The following SLC18B1 variants were observed in gnomAD, a reference collection of about 807,000 sequenced individuals.
The protein encoded by SLC18B1 is solute carrier family 18 member B1, also known as MFS-type transporter SLC18B1.
SLC18B1 carries 62 observed loss-of-function variants against 53.9 expected under a neutral mutation model. That is an observed-to-expected ratio of 1.15 (90% CI 0.94 to 1.42). The LOEUF (loss-of-function observed/expected upper bound fraction) is 1.42. Among genes scored for constraint, SLC18B1 ranks in the 40% most tolerant of loss-of-function variants. SLC18B1 has a pLI of 0.00. For missense variants in SLC18B1, 598 were observed against 547.3 expected (o/e 1.09, Z -0.93); for synonymous variants, 217 against 200.9 (o/e 1.08, Z -0.68).
At chr6:132,792,270 A>AGAAG in intron 2 of SLC18B1, among the ~76,000 whole-genome samples, 1 of 52,910 alleles carries the variant, frequency 1.9e-5, no homozygotes, top group Admixed American at 1.7e-4. Flanking sequence ...AAAGAAAGAA[A>AGAAG]GAAAGAAAGA....
chr6:132,771,565 G>A (rs1456350110), intron 11 of SLC18B1, among the ~76,000 whole-genome samples: 1 of 152,046 alleles, frequency 6.6e-6, no homozygotes, highest in Non-Finnish European at 1.5e-5. Flanking sequence ...TCTATTAAAG[G>A]AACTTATAAA....
Position 132,784,044 on chromosome 6 carries a change from G to A in SLC18B1, c.547C>T (p.Pro183Ser). ...FSGLGLILGP[P>S]VGGFLYQSFG... The stretch of plus-strand genomic sequence containing the variant: ...GATTGATACAAAAAGCCACCTACAG[G>A]AGGACCTAGTATTAGCCCCAGTCCA... Residue 183 changes from proline (P) to serine (S), a missense_variant, in exon 6 of 14, where the codon CCT becomes TCT. By Grantham distance (74) the Pro-to-Ser change is moderately conservative (BLOSUM62 -1). Transcript: ENST00000275227. 1 of 1,608,630 alleles carries A rather than the reference G, an allele frequency of 6.2e-7. No individual in the cohort carries two copies.
intron 5 of SLC18B1, among the ~76,000 whole-genome samples, chr6:132,785,703 T>TTACCATTATCATA (rs1781351411): frequency 6.6e-6 from 1 of 151,748 alleles, no homozygotes; most frequent in Non-Finnish European, 1.5e-5. Context: ...ATTTATTAAG[T>TTACCATTATCATA]GGCACTTTCC....
intron 2 of SLC18B1, among the ~76,000 whole-genome samples, chr6:132,792,280 AAAGGAAGAAAGGAAGG>A (rs1781554538): frequency 2.3e-4 from 10 of 42,674 alleles, no homozygotes; most frequent in African/African-American, 5.1e-4. Context: ...AGAAAGAAAG[AAAGGAAGAAAGGAAGG>A]AAGGAAGGAA....
At chr6:132,787,687 T>C in intron 4 of SLC18B1, 106 bp from the exon 5 acceptor site, 1 of 966,152 alleles carries the variant, frequency 1.0e-6, no homozygotes, top group Non-Finnish European at 1.4e-6. Context: ...TCATGGTTTT[T>C]AGAATAAACC....
rs1002115091 is a variant in SLC18B1 at position 132,770,945 on chromosome 6, A to G, written c.1255-6T>C. Reference sequence around the variant, plus strand: ...AACAAGCCCATGGCTAATCCCTTAAACACAATTAAAAGTACTGATTAATGT... The same window carrying G: ...AACAAGCCCATGGCTAATCCCTTAAGCACAATTAAAAGTACTGATTAATGT... On this transcript the variant is annotated splice_polypyrimidine_tract_variant and splice_region_variant and intron_variant, in intron 12 of 13. Transcript: ENST00000275227. The G allele has an allele frequency of 2.5e-6, 4 of 1,612,660 alleles. No individual in the cohort carries two copies. In the Admixed American group the frequency reaches 5.0e-5, roughly 20 times the overall value.
chr6:132,792,271 GAAAGA>G, intron 2 of SLC18B1, among the ~76,000 whole-genome samples: 2 of 48,956 alleles, frequency 4.1e-5, no homozygotes, highest in Non-Finnish European at 7.4e-5. Context: ...AAGAAAGAAA[GAAAGA>G]AAGAAAGGAA....
At chr6:132,776,008 G>T (rs951119632) in intron 8 of SLC18B1, among the ~76,000 whole-genome samples, 1 of 152,210 alleles carries the variant, frequency 6.6e-6, no homozygotes, top group African/African-American at 2.4e-5. Context: ...ATTCAAGGCT[G>T]CAGTGAGCTA....
In SLC18B1 at chr6:132,785,897, C is replaced by CAAAAAAAAAA. The variant is rs71545048; in HGVS notation, c.501+1527_501+1536dup. Among the ~76,000 whole-genome samples the CAAAAAAAAAA allele has an allele frequency of 3.4e-3, 279 of 81,092 alleles. 5 individuals are homozygous for CAAAAAAAAAA. Among genetic ancestry groups the CAAAAAAAAAA allele is most frequent in the African/African-American group, 0.01 (229 of 22,646 alleles). 53.2% of individuals were successfully genotyped at this position (81,092 alleles called of 152,430 possible). ...GCAACTCAGCAAGACCCTGTCTCTA[C>CAAAAAAAAAA]AAAAAAAAAAAAAAAAAAAGAAAGA... On this transcript the variant is annotated intron_variant, in intron 5 of 13. Coordinates refer to ENST00000275227, the MANE Select transcript of SLC18B1 (RefSeq NM_052831.3).
chr6:132,784,408 G>GA (rs1200759233), intron 5 of SLC18B1, among the ~76,000 whole-genome samples: 5 of 151,790 alleles, frequency 3.3e-5, no homozygotes, highest in Non-Finnish European at 7.4e-5. Flanking sequence ...GAAGAACAGA[G>GA]AAAAAAATGA....
chr6:132,796,579 G>C (rs918235355), intron 2 of SLC18B1, among the ~76,000 whole-genome samples: 4 of 145,678 alleles, frequency 2.7e-5, no homozygotes, highest in African/African-American at 1.0e-4. Flanking sequence ...GAATCAAAAC[G>C]TCCTAATTCT....
At chr6:132,792,378 GAA>G (rs1276160811) in intron 2 of SLC18B1, among the ~76,000 whole-genome samples, 1 of 134,876 alleles carries the variant, frequency 7.4e-6, no homozygotes, top group Non-Finnish European at 1.6e-5. Context: ...AAGAAGGAAA[GAA>G]AGAGAAAGAA....
chr6:132,779,223 T>C, intron 7 of SLC18B1, 45 bp downstream of exon 7: 1 of 1,600,322 alleles, frequency 6.2e-7, no homozygotes, highest in South Asian at 1.1e-5. Flanking sequence ...AGCAGTTACA[T>C]CCACCTGCTA....
chr6:132,789,647 T>C, intron 4 of SLC18B1, 117 bp downstream of exon 4: 1 of 736,578 alleles, frequency 1.4e-6, no homozygotes, highest in Non-Finnish European at 2.4e-6. Flanking sequence ...AGTCACATGC[T>C]ATGCATTTGA....
At chr6:132,796,392 G>A (rs1750402735) in intron 2 of SLC18B1, among the ~76,000 whole-genome samples, 1 of 148,672 alleles carries the variant, frequency 6.7e-6, no homozygotes, top group South Asian at 2.1e-4. Context: ...CGGACGTGGT[G>A]GTAGGCGCCT....
At chr6:132,777,966 C>G (rs1398964039) in intron 7 of SLC18B1, among the ~76,000 whole-genome samples, 1 of 152,138 alleles carries the variant, frequency 6.6e-6, no homozygotes, top group African/African-American at 2.4e-5. Flanking sequence ...TTTTTAATTA[C>G]CTGGGTGCAG....
intron 2 of SLC18B1, among the ~76,000 whole-genome samples, chr6:132,795,726 T>A (rs1454974892): frequency 1.3e-5 from 2 of 152,244 alleles, no homozygotes; most frequent in African/African-American, 4.8e-5. Context: ...TCATACTATA[T>A]CCTATTGACG....
intron 2 of SLC18B1, among the ~76,000 whole-genome samples, chr6:132,796,452 G>A (rs1781690172): frequency 6.7e-6 from 1 of 149,844 alleles, no homozygotes; most frequent in African/African-American, 2.5e-5. Context: ...ATTGAACCCG[G>A]GAGGCAGAGG....
At position 132,787,593 on chromosome 6, in the gene SLC18B1, T is replaced by G. The variant is rs1286062130; in HGVS notation, c.354-12A>C. The G allele has an allele frequency of 1.3e-6, 2 of 1,531,116 alleles. No individual in the cohort carries two copies. The highest frequency in any genetic ancestry group is 8.7e-7 in the Non-Finnish European group (1 of 1,146,286). The allele number at this position is 1,531,116 out of a possible 1,614,324, so 94.8% of individuals were successfully genotyped here. On this transcript the variant is annotated splice_polypyrimidine_tract_variant and intron_variant, in intron 4 of 13. Coordinates refer to ENST00000275227, the MANE Select transcript of SLC18B1 (RefSeq NM_052831.3). Reference sequence around the variant, plus strand: ...CTCGGTCCAATACACTAAAAAGGAATAAGACAATTCTGAAATGCCAAGCTG... The same window carrying G: ...CTCGGTCCAATACACTAAAAAGGAAGAAGACAATTCTGAAATGCCAAGCTG...
Sources: allele counts gnomAD v4.1 joint callset (sites outside exome capture counted in the v4.1 genomes callset), GRCh38; gene constraint gnomAD v4.1.1; transcripts MANE v1.5; gene names NCBI Gene and HGNC (gene_info 2026-07-23, HGNC 2026-07-21).